CAMK2D: variants seen among roughly 807,000 people sequenced by gnomAD.
The protein encoded by CAMK2D is calcium/calmodulin dependent protein kinase II delta.
A neutral mutation model predicts 84.0 loss-of-function variants in CAMK2D; 37 were observed. The observed-to-expected ratio is 0.44, with a 90% CI of 0.34 to 0.58. The LOEUF (loss-of-function observed/expected upper bound fraction) is 0.58, where lower values mean the gene tolerates loss of function less well. Among genes scored for constraint, CAMK2D ranks in the 20% least tolerant of loss-of-function variants. The pLI is 0.02. For synonymous variants in CAMK2D, 202 were observed against 212.5 expected (o/e 0.95, Z 0.43); for missense variants, 448 against 652.5 (o/e 0.69, Z 3.41).
chr4:113,601,427 T>G (rs999308133), intron 4 of CAMK2D, among the ~76,000 whole-genome samples: 1 of 151,582 alleles, frequency 6.6e-6, no homozygotes, highest in Admixed American at 6.6e-5. Context: ...TGCCCTTTCA[T>G]GAGGAAAAAA....
chr4:113,761,615 G>T lies in CAMK2D; in HGVS notation c.-547C>A. 1.0e-6 allele frequency: 1 copy of T among 985,126 alleles called. No homozygotes were observed. The highest frequency in any genetic ancestry group is 5.2e-4 in the Middle Eastern group (1 of 1,912). 61.0% of individuals were successfully genotyped at this position (985,126 alleles called of 1,614,324 possible). A position where few individuals can be genotyped will look rare whatever the true frequency, so the allele number is the denominator to read the frequency against. ...GCGGGGCGCGCCGGGGCTCCGACGA[G>T]CGTGCGCGCCCGAGGCCGGCTTCCC... On this transcript the variant is annotated 5_prime_UTR_variant, in exon 1 of 21. Coordinates refer to ENST00000511664, the MANE Select transcript of CAMK2D (RefSeq NM_001321571.2).
At chr4:113,606,536 G>A (rs72678759) in intron 4 of CAMK2D, among the ~76,000 whole-genome samples, 17,569 of 150,466 alleles carry the variant, frequency 0.12, 1,299 homozygotes, top group East Asian at 0.19. Context: ...TAGACAATCA[G>A]ACTTGAAGAC....
intron 4 of CAMK2D, among the ~76,000 whole-genome samples, chr4:113,561,056 C>A (rs946992950): frequency 2.0e-5 from 3 of 152,018 alleles, no homozygotes; most frequent in Non-Finnish European, 4.4e-5. Context: ...TAGGAAGAAA[C>A]AGGAGTTCAA....
At chr4:113,485,466 T>C (rs1468555959) in intron 16 of CAMK2D, among the ~76,000 whole-genome samples, 1 of 152,178 alleles carries the variant, frequency 6.6e-6, no homozygotes, top group African/African-American at 2.4e-5. Context: ...GCCTACAAAC[T>C]TGATCTAGAC....
intron 2 of CAMK2D, among the ~76,000 whole-genome samples, chr4:113,682,156 C>T (rs909337320): frequency 6.6e-6 from 1 of 152,112 alleles, no homozygotes; most frequent in East Asian, 1.9e-4. Context: ...ATATGTTAAA[C>T]TTTGCATCAC....
At chr4:113,615,460 G>A (rs754196238) in intron 3 of CAMK2D, among the ~76,000 whole-genome samples, 1 of 151,936 alleles carries the variant, frequency 6.6e-6, no homozygotes, top group African/African-American at 2.4e-5. Context: ...CTTCTAGAGA[G>A]AAAACTTTTC....
At chr4:113,494,113 T>C (rs948282418) in intron 16 of CAMK2D, among the ~76,000 whole-genome samples, 3 of 152,238 alleles carry the variant, frequency 2.0e-5, no homozygotes, top group Admixed American at 1.3e-4. Context: ...TCAGAGTAAT[T>C]TGATCATCTG....
intron 7 of CAMK2D, among the ~76,000 whole-genome samples, chr4:113,533,779 T>C (rs548143929): frequency 1.7e-4 from 26 of 152,040 alleles, no homozygotes; most frequent in Non-Finnish European, 2.6e-4. Flanking sequence ...CTAGCCATCT[T>C]ATCAAGTATA....
At chr4:113,454,564 A>G (rs1405583247) in intron 20 of CAMK2D, 49 bp from the exon 21 acceptor site, 1 of 774,768 alleles carries the variant, frequency 1.3e-6, no homozygotes, top group Admixed American at 1.7e-5. Context: ...GTTTTACAAA[A>G]TATCATCAAA....
At chr4:113,620,560 T>G (rs1433224132) in intron 3 of CAMK2D, among the ~76,000 whole-genome samples, 2 of 150,674 alleles carry the variant, frequency 1.3e-5, no homozygotes, top group African/African-American at 4.9e-5. Flanking sequence ...CAGGCTGGAG[T>G]GCCCTGGCAT....
chr4:113,541,841 T>G (rs2098531989), intron 6 of CAMK2D, among the ~76,000 whole-genome samples: 1 of 148,678 alleles, frequency 6.7e-6, no homozygotes, highest in African/African-American at 2.5e-5. Flanking sequence ...AAACTATTTC[T>G]TTTTTTTTTA....
chr4:113,581,124 C>T (rs1302579299), intron 4 of CAMK2D, among the ~76,000 whole-genome samples: 1 of 152,030 alleles, frequency 6.6e-6, no homozygotes, highest in Non-Finnish European at 1.5e-5. Flanking sequence ...ATAATTTTCT[C>T]ACAAACAGAA....
At chr4:113,749,843 A>G (rs1436724206) in intron 2 of CAMK2D, among the ~76,000 whole-genome samples, 1 of 152,236 alleles carries the variant, frequency 6.6e-6, no homozygotes, top group Non-Finnish European at 1.5e-5. Flanking sequence ...TTATGAAATA[A>G]TTTGTGAATT....
At chr4:113,516,701 TCTC>T (rs1405392908) in intron 9 of CAMK2D, among the ~76,000 whole-genome samples, 10 of 152,188 alleles carry the variant, frequency 6.6e-5, no homozygotes, top group Non-Finnish European at 1.5e-4. Flanking sequence ...TTTTATATCT[TCTC>T]CTCTCACTTT....
chr4:113,520,352 G>A lies in CAMK2D; in HGVS notation c.602-2695C>T, dbSNP rs183979090. ...CAACTCAGGAGGTGGAGGTTGCAGT[G>A]AGCCAAGGTCGTGCCACTGAATTCT... On this transcript the variant is annotated intron_variant, in intron 8 of 20. Transcript: ENST00000511664. Among the ~76,000 whole-genome samples, 222 of 152,178 alleles carry A rather than the reference G, an allele frequency of 1.5e-3. 1 individual carries two copies. Among genetic ancestry groups the A allele is most frequent in the Admixed American group, 2.9e-3 (45 of 15,290 alleles).
chr4:113,682,279 GTA>G (rs1359853112), intron 2 of CAMK2D, among the ~76,000 whole-genome samples: 1 of 151,868 alleles, frequency 6.6e-6, no homozygotes, highest in Admixed American at 6.6e-5. Flanking sequence ...TAAGAGGAAA[GTA>G]TATGAGAAAT....
intron 4 of CAMK2D, among the ~76,000 whole-genome samples, chr4:113,577,756 A>ATT (rs36039505): frequency 0.09 from 13,318 of 148,016 alleles, 762 homozygotes; most frequent in East Asian, 0.19. Context: ...TTCGTATACT[A>ATT]TTTTTTTTTT....
At chr4:113,689,319 A>G (rs2099375295) in intron 2 of CAMK2D, among the ~76,000 whole-genome samples, 1 of 152,142 alleles carries the variant, frequency 6.6e-6, no homozygotes, top group Non-Finnish European at 1.5e-5. Context: ...ACTCTTGTCA[A>G]TCTCTCAGAA....
chr4:113,723,163 AT>A (rs1024725895), intron 2 of CAMK2D, among the ~76,000 whole-genome samples: 112 of 152,086 alleles, frequency 7.4e-4, no homozygotes, highest in African/African-American at 2.6e-3. Flanking sequence ...AATCATTAAG[AT>A]TACAGTGTCT....
Sources: allele counts gnomAD v4.1 joint callset (sites outside exome capture counted in the v4.1 genomes callset), GRCh38; gene constraint gnomAD v4.1.1; transcripts MANE v1.5; gene names NCBI Gene and HGNC (gene_info 2026-07-23, HGNC 2026-07-21).